The following NCK2 variants were observed in gnomAD, a reference collection of about 807,000 sequenced individuals.
NCK2 encodes the protein NCK adaptor protein 2.
Under a neutral mutation model 33.9 loss-of-function variants are expected in NCK2, and 16 were observed. That is an observed-to-expected ratio of 0.47 (90% CI 0.32 to 0.72). The LOEUF is 0.72. NCK2 is among the 30% of genes least tolerant of loss of function. The pLI, the probability that NCK2 is intolerant of heterozygous loss-of-function variation, is 0.03. For missense variants in NCK2, 418 were observed against 537.3 expected (o/e 0.78, Z 2.19); for synonymous variants, 273 against 239.9 (o/e 1.14, Z -1.27).
chr2:105,858,014 T>G (rs12997075), intron 3 of NCK2, among the ~76,000 whole-genome samples: 141,130 of 151,538 alleles, frequency 0.93, 65,790 homozygotes, highest in East Asian at 0.98. Context: ...TTGTGTGTGT[T>G]TGTGTTTTGT....
At chr2:105,804,515 G>A (rs1307613609) in intron 1 of NCK2, among the ~76,000 whole-genome samples, 3 of 152,124 alleles carry the variant, frequency 2.0e-5, no homozygotes, top group East Asian at 1.9e-4. Context: ...GGCTCTTTGG[G>A]GATATTCAGA....
chr2:105,801,976 G>T (rs1207227690), intron 1 of NCK2, among the ~76,000 whole-genome samples: 2 of 152,164 alleles, frequency 1.3e-5, no homozygotes, highest in African/African-American at 2.4e-5. Context: ...TAGATTGGTA[G>T]CGATTGGACA....
At chr2:105,879,679 C>T (rs1439300550) in intron 3 of NCK2, among the ~76,000 whole-genome samples, 1 of 152,264 alleles carries the variant, frequency 6.6e-6, no homozygotes, top group Non-Finnish European at 1.5e-5. Context: ...CGCGTGGGCA[C>T]ATGTCCCAGG....
upstream of NCK2, chr2:105,744,884 CGCCGCCGCCGCT>C (rs1166745742): frequency 3.1e-5 from 5 of 160,808 alleles, no homozygotes; most frequent in Middle Eastern, 2.7e-3. Context: ...CCGCCGCCGC[CGCCGCCGCCGCT>C]GCCGCGGGGA....
At chr2:105,887,983 T>C (rs1471742604) in intron 4 of NCK2, among the ~76,000 whole-genome samples, 1 of 152,144 alleles carries the variant, frequency 6.6e-6, no homozygotes, top group Non-Finnish European at 1.5e-5. Context: ...TAGTCAAAAT[T>C]AGAAATTTTT....
At chr2:105,813,938 T>C (rs1264357029) in intron 1 of NCK2, among the ~76,000 whole-genome samples, 1 of 152,204 alleles carries the variant, frequency 6.6e-6, no homozygotes, top group Non-Finnish European at 1.5e-5. Flanking sequence ...TGAAGTACTT[T>C]TAGAGAAAAG....
Position 105,881,518 on chromosome 2 carries a change from C to G in NCK2, c.417C>G (p.Thr139=). ...ELSLVKGSRV[T]VMEKCSDGWW... ...CCCTGGTGAAGGGGTCGCGCGTCAC[C>G]GTCATGGAGAAGTGCAGCGACGGTT... The change falls in exon 4 of 5, where the codon ACC becomes ACG. Residue 139 remains threonine (T), a synonymous_variant. Coordinates refer to ENST00000233154, the MANE Select transcript of NCK2 (RefSeq NM_003581.5). 2.5e-6 allele frequency: 4 copies of G among 1,614,034 alleles called. No homozygotes were observed. The highest frequency in any genetic ancestry group is 3.4e-6 in the Non-Finnish European group (4 of 1,180,000).
In NCK2 at chr2:105,820,021, C is replaced by T. The variant is rs530668975; in HGVS notation, c.-17+3408C>T. ...TGTGCTAACTGCTGTAGTGGAGGTT[C>T]TTACAGCCAGTCCCTAATACTTGAG... On this transcript the variant is annotated intron_variant, in intron 2 of 4. Transcript: ENST00000233154. 1.7e-4 allele frequency among the ~76,000 whole-genome samples: 26 copies of T among 152,332 alleles called. 1 individual carries two copies. In the East Asian group the frequency reaches 4.1e-3, roughly 24 times the overall value.
intron 2 of NCK2, among the ~76,000 whole-genome samples, chr2:105,830,668 T>C (rs1170362155): frequency 7.1e-6 from 1 of 141,346 alleles, no homozygotes. Flanking sequence ...TGCCAGGAAT[T>C]TGGTGTGTGT....
intron 1 of NCK2, among the ~76,000 whole-genome samples, chr2:105,791,901 C>A (rs1041250436): frequency 5.3e-5 from 8 of 152,240 alleles, no homozygotes; most frequent in Admixed American, 5.2e-4. Flanking sequence ...TTGGGAGGAG[C>A]AGAGGTCAAG....
At chr2:105,761,148 T>A (rs1416926589) in intron 1 of NCK2, among the ~76,000 whole-genome samples, 1 of 152,196 alleles carries the variant, frequency 6.6e-6, no homozygotes, top group Non-Finnish European at 1.5e-5. Context: ...CCGCCCACCC[T>A]ACTGGGCCTC....
chr2:105,817,169 T>G (rs1273468238), intron 2 of NCK2, among the ~76,000 whole-genome samples: 2 of 53,656 alleles, frequency 3.7e-5, no homozygotes, highest in African/African-American at 1.8e-4. Context: ...CGGCAAGACT[T>G]GGTCTCAAAA....
chr2:105,768,653 T>C (rs1690025271), intron 1 of NCK2, among the ~76,000 whole-genome samples: 1 of 152,270 alleles, frequency 6.6e-6, no homozygotes, highest in African/African-American at 2.4e-5. Context: ...TTAAACTTTC[T>C]TAAAACATGA....
At chr2:105,890,035 A>C (rs1175615784) in intron 4 of NCK2, among the ~76,000 whole-genome samples, 1 of 152,204 alleles carries the variant, frequency 6.6e-6, no homozygotes, top group African/African-American at 2.4e-5. Flanking sequence ...TAGTATACAG[A>C]TTGTTCTTTT....
At chr2:105,884,231 G>GT (rs1553463391) in intron 4 of NCK2, among the ~76,000 whole-genome samples, 1 of 106,938 alleles carries the variant, frequency 9.4e-6, no homozygotes, top group Non-Finnish European at 2.4e-5. Context: ...TCCTTTGCTT[G>GT]TTTTTTTCCC....
chr2:105,853,909 A>T (rs1677161192), intron 2 of NCK2: 2 of 152,158 alleles, frequency 1.3e-5, no homozygotes, highest in African/African-American at 4.8e-5. Flanking sequence ...CACCTGGGGG[A>T]TGGTAGAGGA....
chr2:105,871,789 C>T (rs1678021248), intron 3 of NCK2, among the ~76,000 whole-genome samples: 1 of 152,152 alleles, frequency 6.6e-6, no homozygotes, highest in South Asian at 2.1e-4. Flanking sequence ...GCCACTGTGC[C>T]CGGCCTGGTT....
chr2:105,746,059 A>G (rs1012137125), intron 1 of NCK2, among the ~76,000 whole-genome samples: 1 of 152,194 alleles, frequency 6.6e-6, no homozygotes, highest in African/African-American at 2.4e-5. Flanking sequence ...CCTGACTTAA[A>G]CTAGTATTGT....
intron 1 of NCK2, among the ~76,000 whole-genome samples, chr2:105,802,724 C>T (rs1396190532): frequency 6.6e-6 from 1 of 152,232 alleles, no homozygotes; most frequent in Non-Finnish European, 1.5e-5. Context: ...AAAGCCCCAC[C>T]TCCAACACTG....
Sources: gnomAD v4.1 joint callset for allele counts (sites outside exome capture counted in the v4.1 genomes callset) on GRCh38, gnomAD v4.1.1 for gene constraint, MANE v1.5 for transcripts, NCBI Gene and HGNC (gene_info 2026-07-23, HGNC 2026-07-21) for gene names.